Variants in XPA observed in about 807,000 individuals in gnomAD.
XPA encodes XPA, DNA damage recognition and repair factor.
A neutral mutation model predicts 35.7 loss-of-function variants in XPA; 27 were observed. That is an observed-to-expected ratio of 0.76 (90% CI 0.56 to 1.04). XPA has a LOEUF of 1.04. Among genes scored for constraint, XPA ranks in the 50% least tolerant of loss-of-function variants. The pLI, the probability that XPA is intolerant of heterozygous loss-of-function variation, is 0.00. For synonymous variants in XPA, 133 were observed against 118.4 expected (o/e 1.12, Z -0.80); for missense variants, 354 against 342.7 (o/e 1.03, Z -0.26).
the XPA span, chr9:97,669,623 G>C: frequency 2.5e-6 from 4 of 1,612,424 alleles, no homozygotes; most frequent in Non-Finnish European, 1.7e-6. Flanking sequence ...CGAGCACCTA[G>C]TACGATGCGA....
chr9:97,682,197 T>C (rs1308451544), intron 5 of XPA: 3 of 470,118 alleles, frequency 6.4e-6, no homozygotes, highest in Non-Finnish European at 1.3e-5. Flanking sequence ...TATAATCTCT[T>C]ACCTTCCCAT....
chr9:97,684,972 C>T lies in XPA; in HGVS notation c.624G>A (p.Gln208=). The T allele has an allele frequency of 6.2e-7, 1 of 1,613,478 alleles. No individual in the cohort carries two copies. Among genetic ancestry groups the T allele is most frequent in the Non-Finnish European group, 8.5e-7 (1 of 1,179,722 alleles). Residue 208 remains glutamine, a synonymous_variant, in exon 5 of 6, where the codon CAG becomes CAA. Coordinates refer to ENST00000375128, the MANE Select transcript of XPA (RefSeq NM_000380.4). ...EALEEAKEVR[Q]ENREKMKQKK... is the part of the protein sequence containing the mutation. ...TCTGTTTCATTTTTTCTCGGTTTTC[C>T]TGTCGGACTTCCTTTGCTTCTTCTA...
the XPA span, chr9:97,662,160 G>C: frequency 6.3e-7 from 1 of 1,589,624 alleles, no homozygotes; most frequent in Non-Finnish European, 8.6e-7. Context: ...TATGAGTACA[G>C]AGCCTTGCTT....
intron 2 of XPA, among the ~76,000 whole-genome samples, chr9:97,689,997 G>A (rs1828838090): frequency 6.6e-6 from 1 of 152,186 alleles, no homozygotes; most frequent in Non-Finnish European, 1.5e-5. Context: ...GGTCTCAGCA[G>A]GCTAAAATCA....
At chr9:97,660,933 A>G in the XPA span, 1 of 1,605,550 alleles carries the variant, frequency 6.2e-7, no homozygotes. Flanking sequence ...CTTACCCCCA[A>G]TTCTGTGTTT....
At chr9:97,686,510 G>C (rs1254375724) in intron 4 of XPA, among the ~76,000 whole-genome samples, 2 of 152,112 alleles carry the variant, frequency 1.3e-5, no homozygotes, top group South Asian at 2.1e-4. Context: ...TTTTTTGGTG[G>C]GAGATGGAGG....
the XPA span, chr9:97,666,925 ACT>A: frequency 2.2e-5 from 28 of 1,296,484 alleles, no homozygotes; most frequent in Admixed American, 5.1e-4. Context: ...TATACCAGAA[ACT>A]CTGGAGAGGA....
intron 2 of XPA, among the ~76,000 whole-genome samples, chr9:97,691,713 C>G (rs1828893084): frequency 6.6e-6 from 1 of 151,206 alleles, no homozygotes; most frequent in Non-Finnish European, 1.5e-5. Context: ...AACTCCGTCT[C>G]AAAAACAAAA....
the XPA span, among the ~76,000 whole-genome samples, chr9:97,660,317 T>C: frequency 4.6e-5 from 7 of 152,220 alleles, no homozygotes; most frequent in Non-Finnish European, 1.0e-4. Flanking sequence ...GTTGCTCTGG[T>C]GATGCCTTAC....
chr9:97,684,384 C>CT (rs1828642287), intron 5 of XPA, among the ~76,000 whole-genome samples: 1 of 152,184 alleles, frequency 6.6e-6, no homozygotes, highest in African/African-American at 2.4e-5. Flanking sequence ...AGAGAAATGA[C>CT]TACTTCATGG....
chr9:97,676,178 A>T (rs2033473471), intron 5 of XPA, among the ~76,000 whole-genome samples: 1 of 152,206 alleles, frequency 6.6e-6, no homozygotes, highest in African/African-American at 2.4e-5. Context: ...AAAAATAAGA[A>T]TCACAGAATG....
At chr9:97,687,075 T>C (rs763786757) in intron 4 of XPA, 21 bp downstream of exon 4, 1 of 1,593,598 alleles carries the variant, frequency 6.3e-7, no homozygotes, top group South Asian at 1.1e-5. Flanking sequence ...TGAAAAATAA[T>C]AAATACAACT....
chr9:97,681,747 ATATTC>A (rs1564041004), intron 5 of XPA, among the ~76,000 whole-genome samples: 1 of 152,168 alleles, frequency 6.6e-6, no homozygotes, highest in Non-Finnish European at 1.5e-5. Context: ...AAACATTTCT[ATATTC>A]TGTAACTGAT....
rs1164463339 is a variant in XPA at position 97,675,210 on chromosome 9, A to C, written c.*229T>G. ...AGCACTCAGCTCCCATCTCTGTTGT[A>C]AGAAGGCAATCACAGACATGACATT... On this transcript the variant is annotated 3_prime_UTR_variant, in exon 6 of 6. Transcript: ENST00000375128. The C allele has an allele frequency of 3.1e-6, 2 of 643,546 alleles. No individual in the cohort carries two copies. Among genetic ancestry groups the C allele is most frequent in the East Asian group, 6.2e-5 (2 of 32,228 alleles). The allele number at this position is 643,546 out of a possible 1,614,324, so 39.9% of individuals were successfully genotyped here. A position where few individuals can be genotyped will look rare whatever the true frequency, so the allele number is the denominator to read the frequency against.
At chr9:97,661,740 T>G in the XPA span, among the ~76,000 whole-genome samples, 3 of 151,470 alleles carry the variant, frequency 2.0e-5, no homozygotes, top group East Asian at 1.9e-4. Flanking sequence ...GTGTTTTTTT[T>G]TTTTTTTTTT....
intron 2 of XPA, among the ~76,000 whole-genome samples, chr9:97,691,926 T>G: frequency 6.8e-6 from 1 of 146,348 alleles, no homozygotes. Flanking sequence ...TGTAAATAAA[T>G]AAATTTTACT....
the XPA span, among the ~76,000 whole-genome samples, chr9:97,667,157 G>T: frequency 6.6e-6 from 1 of 152,140 alleles, no homozygotes; most frequent in Non-Finnish European, 1.5e-5. Flanking sequence ...TTTGCACAAG[G>T]GAAGTAGCAG....
At chr9:97,657,162 T>TTCA in the XPA span, among the ~76,000 whole-genome samples, 1 of 152,056 alleles carries the variant, frequency 6.6e-6, no homozygotes, top group African/African-American at 2.4e-5. Flanking sequence ...GAGACGGGGT[T>TTCA]TCACTGTGTT....
downstream of XPA, chr9:97,671,041 ATAT>A: frequency 2.3e-6 from 3 of 1,289,090 alleles, no homozygotes; most frequent in Non-Finnish European, 3.4e-6. Context: ...AAGATTGCTT[ATAT>A]GCTTTTTCCT....
Sources: allele counts gnomAD v4.1 joint callset (sites outside exome capture counted in the v4.1 genomes callset), GRCh38; gene constraint gnomAD v4.1.1; transcripts MANE v1.5; gene names NCBI Gene and HGNC (gene_info 2026-07-23, HGNC 2026-07-21).